The following TUSC3 variants were observed in gnomAD, a reference collection of about 807,000 sequenced individuals.
TUSC3 encodes tumor suppressor candidate 3, also known as dolichyl-diphosphooligosaccharide--protein glycosyltransferase subunit TUSC3.
In TUSC3, 45 loss-of-function variants were observed where a neutral mutation model predicts 44.8. That is an observed-to-expected ratio of 1.00 (90% confidence interval 0.79 to 1.29). The LOEUF (loss-of-function observed/expected upper bound fraction) is 1.29. TUSC3 is among the 50% of genes most tolerant of loss of function. TUSC3 has a pLI of 0.00. For synonymous variants in TUSC3, 212 were observed against 152.9 expected (o/e 1.39, Z -2.85); for missense variants, 519 against 437.9 (o/e 1.19, Z -1.65).
At chr8:15,726,269 G>C (rs900378591) in intron 6 of TUSC3, among the ~76,000 whole-genome samples, 3 of 151,868 alleles carry the variant, frequency 2.0e-5, no homozygotes, top group Non-Finnish European at 2.9e-5. Context: ...AAGAGGTATA[G>C]AAACACTAAT....
chr8:15,504,068 A>G (rs34959295), intron 2 of TUSC3, among the ~76,000 whole-genome samples: 80,968 of 151,234 alleles, frequency 0.54, 25,350 homozygotes, highest in Non-Finnish European at 0.71. Flanking sequence ...TATTTATCCT[A>G]TCCACTGCTC....
the TUSC3 span, chr8:15,806,528 C>A: frequency 7.4e-7 from 1 of 1,360,174 alleles, no homozygotes; most frequent in African/African-American, 1.4e-5. Flanking sequence ...GACTTCAAGC[C>A]TGGATCTTAC....
At chr8:15,592,294 G>T (rs567579286) in intron 1 of TUSC3, among the ~76,000 whole-genome samples, 1 of 152,292 alleles carries the variant, frequency 6.6e-6, no homozygotes, top group South Asian at 2.1e-4. Context: ...TACTATAATA[G>T]CAGTAACATC....
At chr8:15,627,875 A>C (rs2129166641) in intron 2 of TUSC3, among the ~76,000 whole-genome samples, 1 of 152,304 alleles carries the variant, frequency 6.6e-6, no homozygotes, top group Admixed American at 6.5e-5. Context: ...CCTGGCCGGT[A>C]GCGGGAGCTG....
At chr8:15,821,325 G>T in the TUSC3 span, among the ~76,000 whole-genome samples, 1 of 142,494 alleles carries the variant, frequency 7.0e-6, no homozygotes, top group Non-Finnish European at 1.5e-5. Flanking sequence ...TTTTATCTCT[G>T]GATTTTAGCA....
At chr8:15,774,958 G>C in the TUSC3 span, among the ~76,000 whole-genome samples, 4 of 152,090 alleles carry the variant, frequency 2.6e-5, no homozygotes, top group Non-Finnish European at 2.9e-5. Context: ...TGACACTGCA[G>C]TTCCACTTAG....
chr8:15,666,523 C>CT (rs1364387335), intron 5 of TUSC3, among the ~76,000 whole-genome samples: 1 of 151,426 alleles, frequency 6.6e-6, no homozygotes, highest in African/African-American at 2.4e-5. Flanking sequence ...ATGAAAGGTA[C>CT]TTTGGCATGT....
intron 1 of TUSC3, among the ~76,000 whole-genome samples, chr8:15,420,783 T>C (rs1487589234): frequency 6.6e-6 from 1 of 152,122 alleles, no homozygotes; most frequent in Non-Finnish European, 1.5e-5. Context: ...TGATGCACTT[T>C]CTTCACTTGG....
intron 6 of TUSC3, among the ~76,000 whole-genome samples, chr8:15,711,463 CGTGTGTGTGTGTGT>C (rs36058270): frequency 1.4e-5 from 2 of 144,908 alleles, no homozygotes; most frequent in African/African-American, 2.5e-5. Flanking sequence ...CAAAAAGGTA[CGTGTGTGTGTGTGT>C]GTGTGTGTGT....
intron 6 of TUSC3, among the ~76,000 whole-genome samples, chr8:15,692,901 AC>A (rs1283170292): frequency 6.6e-6 from 1 of 152,040 alleles, no homozygotes; most frequent in Non-Finnish European, 1.5e-5. Context: ...TGAGCCCTTT[AC>A]CACTATGTAA....
At chr8:15,799,610 T>C in the TUSC3 span, among the ~76,000 whole-genome samples, 33,497 of 152,148 alleles carry the variant, frequency 0.22, 4,176 homozygotes, top group South Asian at 0.38. Flanking sequence ...CAGCTAACCA[T>C]ACAATTTGGT....
At chr8:15,464,141 C>T (rs1437201098) in intron 1 of TUSC3, among the ~76,000 whole-genome samples, 1 of 152,146 alleles carries the variant, frequency 6.6e-6, no homozygotes, top group African/African-American at 2.4e-5. Flanking sequence ...TACTGGTTAC[C>T]ATGATAACTG....
intron 1 of TUSC3, among the ~76,000 whole-genome samples, chr8:15,427,824 A>C (rs1045873539): frequency 6.6e-6 from 1 of 150,382 alleles, no homozygotes; most frequent in Non-Finnish European, 1.5e-5. Flanking sequence ...AAAATCTTTG[A>C]CAACACCAAT....
At chr8:15,778,733 G>C in the TUSC3 span, among the ~76,000 whole-genome samples, 3 of 152,006 alleles carry the variant, frequency 2.0e-5, no homozygotes, top group African/African-American at 4.8e-5. Flanking sequence ...CTTTTCCTTA[G>C]AGAAAGGGCC....
At chr8:15,742,219 A>C (rs1430035388) in intron 7 of TUSC3, among the ~76,000 whole-genome samples, 2 of 4,290 alleles carry the variant, frequency 4.7e-4, no homozygotes, top group African/African-American at 1.3e-3. Flanking sequence ...AGTCTATGGT[A>C]TGTGTATGGT....
At chr8:15,634,512 T>C (rs553938563) in intron 2 of TUSC3, among the ~76,000 whole-genome samples, 1 of 152,278 alleles carries the variant, frequency 6.6e-6, no homozygotes, top group Non-Finnish European at 1.5e-5. Flanking sequence ...GCTGGGGTCT[T>C]CCATTAACAC....
rs1269544242 is a variant in TUSC3, at chr8:15,528,806, T to G, written n.189+45323T>G. 2.6e-5 allele frequency among the ~76,000 whole-genome samples: 4 copies of G among 152,194 alleles called. 1 individual carries two copies. Among genetic ancestry groups the G allele is most frequent in the Non-Finnish European group, 5.9e-5 (4 of 68,036 alleles). ...TATCCCTACCTTCCCTCTGTATAAT[T>G]TCATTAAGATACCTTGAATTTTCTT... On this transcript the variant is annotated intron_variant and non_coding_transcript_variant, in intron 2 of 5. Transcript: ENST00000503191.
At chr8:15,777,984 A>G in the TUSC3 span, among the ~76,000 whole-genome samples, 1 of 152,088 alleles carries the variant, frequency 6.6e-6, no homozygotes, top group East Asian at 1.9e-4. Flanking sequence ...GAGCATTGAA[A>G]AACATCTTGA....
At chr8:15,665,207 TA>T (rs1242928984) in intron 5 of TUSC3, among the ~76,000 whole-genome samples, 2 of 151,516 alleles carry the variant, frequency 1.3e-5, no homozygotes, top group African/African-American at 4.8e-5. Context: ...GGAAAGCTCT[TA>T]AAATAAAACA....
Sources: gnomAD v4.1 joint callset for allele counts (sites outside exome capture counted in the v4.1 genomes callset) on GRCh38, gnomAD v4.1.1 for gene constraint, MANE v1.5 for transcripts, NCBI Gene and HGNC (gene_info 2026-07-23, HGNC 2026-07-21) for gene names.